The following SMOC2 variants were observed in gnomAD, a reference collection of about 807,000 sequenced individuals.
SMOC2 encodes the protein SPARC-related modular calcium-binding protein 2.
SMOC2 carries 39 observed loss-of-function variants against 61.4 expected under a neutral mutation model. That is an observed-to-expected ratio of 0.64 (90% CI 0.49 to 0.83). The LOEUF (loss-of-function observed/expected upper bound fraction) is 0.83, where lower values mean the gene tolerates loss of function less well. Among genes scored for constraint, SMOC2 ranks in the 40% least tolerant of loss-of-function variants. The pLI is 0.00. For synonymous variants in SMOC2, 247 were observed against 239.9 expected (o/e 1.03, Z -0.27); for missense variants, 556 against 592.9 (o/e 0.94, Z 0.65).
At chr6:168,648,979 G>A (rs911943) in intron 9 of SMOC2, among the ~76,000 whole-genome samples, 97,095 of 151,704 alleles carry the variant, frequency 0.64, 31,073 homozygotes, top group African/African-American at 0.67. Context: ...ACCCAGGGGT[G>A]GTCCACGCCA....
In SMOC2 at chr6:168,527,699, C is replaced by A; in HGVS notation, c.435C>A (p.Ala145=). The A allele has an allele frequency of 3.2e-6, 5 of 1,551,958 alleles. No homozygotes were observed. The highest frequency in any genetic ancestry group is 4.4e-6 in the Non-Finnish European group (5 of 1,147,306). The change falls in exon 4 of 13, where the codon GCC becomes GCA. Residue 145 remains alanine (A), a synonymous_variant. Coordinates refer to ENST00000356284, the MANE Select transcript of SMOC2 (RefSeq NM_001166412.2). ...TPNGRPISGT[A]VAHKTPRCPG... is the part of the protein sequence containing the mutation. ...ACGGGAGGCCCATCAGCGGCACTGC[C>A]GTGGCCCACAAGACGCCCCGGTGCC...
At chr6:168,626,876 G>A (rs1786425848) in intron 9 of SMOC2, among the ~76,000 whole-genome samples, 1 of 152,166 alleles carries the variant, frequency 6.6e-6, no homozygotes, top group Non-Finnish European at 1.5e-5. Flanking sequence ...GAGACCCGGG[G>A]CCCTGACAGC....
intron 9 of SMOC2, among the ~76,000 whole-genome samples, chr6:168,647,973 AT>A (rs1170654956): frequency 6.6e-6 from 1 of 151,924 alleles, no homozygotes; most frequent in Admixed American, 6.6e-5. Context: ...CTTTTATATT[AT>A]GTTAGTCATG....
chr6:168,583,162 G>T (rs1022788071), intron 7 of SMOC2, among the ~76,000 whole-genome samples: 2 of 152,226 alleles, frequency 1.3e-5, no homozygotes, highest in African/African-American at 4.8e-5. Context: ...AAATACAGGT[G>T]GAAGGAAAAA....
chr6:168,547,586 A>T (rs534685039), intron 6 of SMOC2, among the ~76,000 whole-genome samples: 1 of 152,258 alleles, frequency 6.6e-6, no homozygotes, highest in East Asian at 1.9e-4. Context: ...ATACTTAATG[A>T]TGAAACGGCA....
Position 168,650,742 on chromosome 6 carries a change from C to T in SMOC2, c.969C>T (p.Asp323=), listed in dbSNP as rs1262587512. Residue 323 remains aspartate, a synonymous_variant, in exon 10 of 13, where the codon GAC becomes GAT. Transcript: ENST00000356284. The part of the protein sequence containing the change: ...LTSVLDALST[D]MVHAASDPSS... The stretch of plus-strand genomic sequence containing the variant: ...GCGTTCTGGACGCGCTGTCCACGGA[C>T]ATGGTCCACGCCGCCTCCGACCCCT... 1.2e-6 allele frequency: 2 copies of T among 1,613,416 alleles called. No homozygotes were observed. The highest frequency in any genetic ancestry group is 2.2e-5 in the East Asian group (1 of 44,884).
At chr6:168,624,782 TACAGATACACACAG>T (rs1786351743) in intron 9 of SMOC2, among the ~76,000 whole-genome samples, 1 of 99,550 alleles carries the variant, frequency 1.0e-5, no homozygotes, top group African/African-American at 3.9e-5. Context: ...GACACAACAA[TACAGATACACACAG>T]ACACATGCAC....
At chr6:168,567,828 C>T (rs548064390) in intron 7 of SMOC2, among the ~76,000 whole-genome samples, 2 of 151,136 alleles carry the variant, frequency 1.3e-5, no homozygotes, top group African/African-American at 4.8e-5. Context: ...CAACTACAGG[C>T]GAAGACTGGA....
At chr6:168,514,508 G>A (rs1164049732) in intron 2 of SMOC2, among the ~76,000 whole-genome samples, 1 of 152,250 alleles carries the variant, frequency 6.6e-6, no homozygotes, top group African/African-American at 2.4e-5. Context: ...TCTGACCGAC[G>A]TGTGTGAGAC....
At chr6:168,491,847 G>A (rs1210935747) in intron 1 of SMOC2, among the ~76,000 whole-genome samples, 1 of 152,180 alleles carries the variant, frequency 6.6e-6, no homozygotes, top group African/African-American at 2.4e-5. Flanking sequence ...CCCATGGAGA[G>A]TGAACTGTGC....
intron 9 of SMOC2, among the ~76,000 whole-genome samples, chr6:168,628,071 A>C (rs1562391996): frequency 6.6e-6 from 1 of 151,688 alleles, no homozygotes; most frequent in Admixed American, 6.6e-5. Flanking sequence ...CACCTTCCTC[A>C]CCCCACAAGC....
rs76601176 is a variant in SMOC2 at position 168,591,317 on chromosome 6, C to T, written c.638-7501C>T. 4.3e-3 allele frequency among the ~76,000 whole-genome samples: 660 copies of T among 152,316 alleles called. 2 individuals are homozygous for T. Among genetic ancestry groups the T allele is most frequent in the Non-Finnish European group, 7.8e-3 (534 of 68,042 alleles). On this transcript the variant is annotated intron_variant, in intron 7 of 12. Transcript: ENST00000356284. ...GAGAAGGGAGCACACAGGCAATGCT[C>T]GTGGAACTAGAAAAGCACAAACCAC...
intron 7 of SMOC2, among the ~76,000 whole-genome samples, chr6:168,577,448 A>T (rs1583126825): frequency 6.6e-6 from 1 of 152,148 alleles, no homozygotes; most frequent in African/African-American, 2.4e-5. Context: ...CCAGTTTCAG[A>T]TGAGGGTTCT....
At chr6:168,530,090 ACT>A (rs773797781) in intron 4 of SMOC2, among the ~76,000 whole-genome samples, 2 of 152,166 alleles carry the variant, frequency 1.3e-5, no homozygotes, top group Non-Finnish European at 2.9e-5. Context: ...ATAGAAGCAG[ACT>A]CTATAAAAAT....
intron 1 of SMOC2, among the ~76,000 whole-genome samples, chr6:168,445,730 G>T (rs1193172871): frequency 6.6e-6 from 1 of 152,180 alleles, no homozygotes; most frequent in Admixed American, 6.5e-5. Context: ...GGTGGTTAAG[G>T]AGGAGAGAAC....
At chr6:168,636,376 C>T (rs1051085149) in intron 9 of SMOC2, among the ~76,000 whole-genome samples, 6 of 152,208 alleles carry the variant, frequency 3.9e-5, no homozygotes, top group Admixed American at 2.0e-4. Flanking sequence ...CCATATAGTA[C>T]AATGTGAACA....
chr6:168,529,280 C>T (rs1287929030), intron 4 of SMOC2, among the ~76,000 whole-genome samples: 1 of 152,094 alleles, frequency 6.6e-6, no homozygotes, highest in African/African-American at 2.4e-5. Context: ...TGGCCCTTTG[C>T]ATATAGAAGT....
intron 7 of SMOC2, among the ~76,000 whole-genome samples, chr6:168,595,527 TTG>T (rs1785307261): frequency 6.6e-6 from 1 of 152,178 alleles, no homozygotes; most frequent in South Asian, 2.1e-4. Flanking sequence ...CAGGTGGAAA[TTG>T]TGTTCTGTGG....
At chr6:168,503,266 C>T (rs1425324429) in intron 1 of SMOC2, among the ~76,000 whole-genome samples, 1 of 149,942 alleles carries the variant, frequency 6.7e-6, no homozygotes, top group Non-Finnish European at 1.5e-5. Flanking sequence ...TTAGTAGAGA[C>T]GGGGTTTCAG....
Sources: gnomAD v4.1 joint callset for allele counts (sites outside exome capture counted in the v4.1 genomes callset) on GRCh38, gnomAD v4.1.1 for gene constraint, MANE v1.5 for transcripts, NCBI Gene and HGNC (gene_info 2026-07-23, HGNC 2026-07-21) for gene names.